NCKAP5: variants seen among roughly 807,000 people sequenced by gnomAD.
NCKAP5 encodes the protein NCK associated protein 5, also known as nck-associated protein 5.
Under a neutral mutation model 167.0 loss-of-function variants are expected in NCKAP5, and 92 were observed. That is an observed-to-expected ratio of 0.55 (90% confidence interval 0.47 to 0.66). The LOEUF is 0.66. Among genes scored for constraint, NCKAP5 ranks in the 30% least tolerant of loss-of-function variants. The pLI is 0.00. For missense variants in NCKAP5, 2,378 were observed against 2,315.0 expected (o/e 1.03, Z -0.56); for synonymous variants, 891 against 877.4 (o/e 1.02, Z -0.27).
chr2:133,644,863 CTAAA>C, the NCKAP5 span, among the ~76,000 whole-genome samples: 20 of 152,166 alleles, frequency 1.3e-4, no homozygotes, highest in African/African-American at 4.8e-4. Flanking sequence ...AGACTAATAA[CTAAA>C]GAACACTGCA....
In NCKAP5 at chr2:132,790,088, T is replaced by C; in HGVS notation, c.1027A>G (p.Thr343Ala). 1 of 1,613,422 alleles carries C rather than the reference T, an allele frequency of 6.2e-7. No individual in the cohort carries two copies. Among genetic ancestry groups the C allele is most frequent in the Non-Finnish European group, 8.5e-7 (1 of 1,179,662 alleles). Residue 343 changes from threonine (T) to alanine (A), a missense_variant, in exon 13 of 20, where the codon ACC (threonine) becomes GCC (alanine). Around this residue, in one of 3 missense-constraint regions of NCKAP5, gnomAD observed 1,049 missense variants for 1,023.4 expected, o/e 1.02. Transcript: ENST00000409261. ...SSSSELSLSSTCSEYSSGSSY... is the reference protein window; with the variant it reads ...SSSSELSLSSACSEYSSGSSY... The stretch of plus-strand genomic sequence containing the variant: ...GAGCCACTGGAGTACTCGCTGCAGG[T>C]GCTTGAAAGAGACAGTTCACTGCTG...
intron 7 of NCKAP5, among the ~76,000 whole-genome samples, chr2:132,966,544 G>A (rs1161656995): frequency 6.6e-6 from 1 of 152,106 alleles, no homozygotes; most frequent in African/African-American, 2.4e-5. Context: ...AAATTTTCAT[G>A]AACAGTACAC....
At chr2:132,771,598 C>T (rs1360749323) in intron 16 of NCKAP5, among the ~76,000 whole-genome samples, 2 of 152,040 alleles carry the variant, frequency 1.3e-5, no homozygotes, top group Admixed American at 6.6e-5. Flanking sequence ...TCACCACTCA[C>T]TAACTAACCC....
At chr2:133,526,563 C>A (rs1394140068) in intron 2 of NCKAP5, among the ~76,000 whole-genome samples, 1 of 152,220 alleles carries the variant, frequency 6.6e-6, no homozygotes, top group Admixed American at 6.5e-5. Flanking sequence ...ACTATTGCTA[C>A]ATCTTCAATG....
intron 6 of NCKAP5, among the ~76,000 whole-genome samples, chr2:133,082,692 C>G (rs1352893321): frequency 2.6e-5 from 4 of 152,124 alleles, no homozygotes; most frequent in Non-Finnish European, 5.9e-5. Context: ...CTCACTCTCT[C>G]TACTCGGAAA....
rs181127981 is a variant in NCKAP5 at position 132,810,512 on chromosome 2, G to T, written c.808-13783C>A. Among the ~76,000 whole-genome samples, 192 of 152,048 alleles carry T rather than the reference G, an allele frequency of 1.3e-3. 1 individual carries two copies. The highest frequency in any genetic ancestry group is 4.5e-3 in the African/African-American group (187 of 41,494). On this transcript the variant is annotated intron_variant, in intron 11 of 19. Transcript: ENST00000409261. ...TGTCTTTGTTGGATTGGGTTAATTTGAAGACATTGTCTTTGAGCTCTGAAT... is the reference window on the plus strand; with the variant it reads ...TGTCTTTGTTGGATTGGGTTAATTTTAAGACATTGTCTTTGAGCTCTGAAT...
chr2:133,038,617 A>T (rs1399072136), intron 6 of NCKAP5, among the ~76,000 whole-genome samples: 1 of 152,160 alleles, frequency 6.6e-6, no homozygotes, highest in African/African-American at 2.4e-5. Context: ...TAACCTGAAG[A>T]GTGTAACTGG....
chr2:133,515,643 T>C (rs1683917951), intron 3 of NCKAP5, among the ~76,000 whole-genome samples: 1 of 152,216 alleles, frequency 6.6e-6, no homozygotes, highest in South Asian at 2.1e-4. Context: ...GCAAGCTCAA[T>C]TTAGGGTTTT....
At position 132,920,771 on chromosome 2, in the gene NCKAP5, G is replaced by GTGTATATA. The variant is rs1219401757; in HGVS notation, c.580-41856_580-41855insTATATACA. On this transcript the variant is annotated intron_variant, in intron 8 of 19. Coordinates refer to ENST00000409261, the MANE Select transcript of NCKAP5 (RefSeq NM_207363.3). ...TATATATATATGTATATATATGTAT[G>GTGTATATA]TATATATATATATATATATATATAT... Among the ~76,000 whole-genome samples, 122 of 31,574 alleles carry GTGTATATA rather than the reference G, an allele frequency of 3.9e-3. 9 individuals carry two copies. The highest frequency in any genetic ancestry group is 0.038 in the Middle Eastern group (1 of 26). 20.7% of individuals were successfully genotyped at this position (31,574 alleles called of 152,430 possible). A position where few individuals can be genotyped will look rare whatever the true frequency, so the allele number is the denominator to read the frequency against.
chr2:133,223,323 C>T (rs1004030695), intron 4 of NCKAP5, among the ~76,000 whole-genome samples: 4 of 152,086 alleles, frequency 2.6e-5, no homozygotes, highest in Admixed American at 6.5e-5. Flanking sequence ...AGCCCGGTGG[C>T]GATCTGGTAT....
intron 5 of NCKAP5, among the ~76,000 whole-genome samples, chr2:133,151,274 A>G (rs886684092): frequency 5.9e-5 from 9 of 152,320 alleles, no homozygotes; most frequent in Non-Finnish European, 1.2e-4. Flanking sequence ...TGACCTGTGA[A>G]AGAAATAATT....
intron 6 of NCKAP5, among the ~76,000 whole-genome samples, chr2:133,067,601 A>G (rs1246864303): frequency 6.6e-6 from 1 of 152,208 alleles, no homozygotes; most frequent in African/African-American, 2.4e-5. Context: ...CTCCAAGTCA[A>G]GTGGGAAATG....
intron 3 of NCKAP5, among the ~76,000 whole-genome samples, chr2:133,342,024 A>C (rs940503265): frequency 1.3e-5 from 2 of 152,014 alleles, no homozygotes; most frequent in East Asian, 3.9e-4. Context: ...CTGCAAGCTC[A>C]GCCTCCCGGG....
intron 3 of NCKAP5, among the ~76,000 whole-genome samples, chr2:133,508,817 C>T (rs1325010202): frequency 6.6e-6 from 1 of 152,128 alleles, no homozygotes; most frequent in Non-Finnish European, 1.5e-5. Context: ...ATCTTGGAGC[C>T]CTAAGAACAC....
chr2:133,099,569 T>G (rs767758912), intron 6 of NCKAP5, among the ~76,000 whole-genome samples: 5 of 152,218 alleles, frequency 3.3e-5, no homozygotes, highest in Non-Finnish European at 7.3e-5. Context: ...ATTTGCCCCA[T>G]GTAGCTTCTA....
At chr2:132,737,895 T>G (rs1691671845) in intron 16 of NCKAP5, among the ~76,000 whole-genome samples, 1 of 152,238 alleles carries the variant, frequency 6.6e-6, no homozygotes, top group South Asian at 2.1e-4. Context: ...ATGATTGCTC[T>G]TATTCTACAG....
At chr2:133,518,070 T>G (rs1220555064) in intron 2 of NCKAP5, among the ~76,000 whole-genome samples, 1 of 152,138 alleles carries the variant, frequency 6.6e-6, no homozygotes, top group Admixed American at 6.5e-5. Context: ...AATTTAAAAA[T>G]ATTTGAGGAA....
the NCKAP5 span, among the ~76,000 whole-genome samples, chr2:133,661,734 T>TC: frequency 1.3e-5 from 2 of 152,192 alleles, no homozygotes; most frequent in South Asian, 4.2e-4. Flanking sequence ...CTCCCAACCA[T>TC]CCCCCCATAC....
intron 8 of NCKAP5, among the ~76,000 whole-genome samples, chr2:132,938,805 C>G (rs571654731): frequency 6.6e-6 from 1 of 152,184 alleles, no homozygotes; most frequent in East Asian, 1.9e-4. Context: ...AGAGAAATGC[C>G]TCTCACTGAT....
Sources: allele counts gnomAD v4.1 joint callset (sites outside exome capture counted in the v4.1 genomes callset), GRCh38; gene constraint gnomAD v4.1.1; regional missense constraint gnomAD v4.1.1; transcripts MANE v1.5; gene names NCBI Gene and HGNC (gene_info 2026-07-23, HGNC 2026-07-21).